LIMK2: variants seen among roughly 807,000 people sequenced by gnomAD.
The protein encoded by LIMK2 is LIM domain kinase 2.
A neutral mutation model predicts 75.7 loss-of-function variants in LIMK2; 35 were observed. The ratio of observed to expected loss-of-function variants is 0.46; its 90% confidence interval spans 0.35 to 0.61. The LOEUF (loss-of-function observed/expected upper bound fraction) is 0.61, where lower values mean the gene tolerates loss of function less well. LIMK2 is among the 20% of genes least tolerant of loss of function. LIMK2 has a pLI of 0.00. For missense variants in LIMK2, 623 were observed against 831.0 expected (o/e 0.75, Z 3.08); for synonymous variants, 301 against 319.2 (o/e 0.94, Z 0.61).
intron 2 of LIMK2, among the ~76,000 whole-genome samples, chr22:31,228,126 G>C (rs2048495567): frequency 6.6e-6 from 1 of 152,194 alleles, no homozygotes; most frequent in East Asian, 1.9e-4. Context: ...GTAGATAAGA[G>C]TACAGGCAGG....
chr22:31,237,675 A>C (rs1242093826), intron 2 of LIMK2, among the ~76,000 whole-genome samples: 1 of 152,176 alleles, frequency 6.6e-6, no homozygotes, highest in African/African-American at 2.4e-5. Context: ...TTCACAGAGC[A>C]CTCATGAATG....
chr22:31,229,475 G>A (rs537638304), intron 2 of LIMK2, among the ~76,000 whole-genome samples: 7 of 152,168 alleles, frequency 4.6e-5, no homozygotes, highest in African/African-American at 1.7e-4. Flanking sequence ...TCTCTCCCAC[G>A]CCAGCTTGCC....
At chr22:31,265,573 A>G (rs2048886178) in intron 7 of LIMK2, among the ~76,000 whole-genome samples, 1 of 152,008 alleles carries the variant, frequency 6.6e-6, no homozygotes, top group South Asian at 2.1e-4. Flanking sequence ...TTTTTTGGAT[A>G]CTAGTATAAC....
In LIMK2 at chr22:31,215,850, T is replaced by A. The variant is rs538563863; in HGVS notation, c.16+3426T>A. ...TTGATAAGACAAGCTGTTATAAGGCTTGCGTATGATAACATTATAGAATTT... is the reference window on the plus strand; with the variant it reads ...TTGATAAGACAAGCTGTTATAAGGCATGCGTATGATAACATTATAGAATTT... On this transcript the variant is annotated intron_variant, in intron 1 of 15. Transcript: ENST00000331728. Among the ~76,000 whole-genome samples the A allele has an allele frequency of 3.9e-5, 6 of 152,300 alleles. No individual in the cohort carries two copies. In the South Asian group the frequency reaches 1.2e-3, roughly 32 times the overall value.
chr22:31,245,874 A>T (rs1403303074), intron 2 of LIMK2, among the ~76,000 whole-genome samples: 4 of 151,082 alleles, frequency 2.6e-5, no homozygotes, highest in East Asian at 1.9e-4. Context: ...TACAAAAAAT[A>T]AAAAAAAATA....
Position 31,273,577 on chromosome 22 carries a change from G to C in LIMK2, c.1614+70G>C. On this transcript the variant is annotated intron_variant, in intron 14 of 15. Transcript: ENST00000331728. ...AGCTCTGCCTTCCCTCGGAACTGGGGCATCTCCTCCTAGGGATGACTAGCT... is the reference window on the plus strand; with the variant it reads ...AGCTCTGCCTTCCCTCGGAACTGGGCCATCTCCTCCTAGGGATGACTAGCT... 9 of 1,249,110 alleles carry C rather than the reference G, an allele frequency of 7.2e-6. 1 individual carries two copies. In the Middle Eastern group the frequency reaches 1.7e-3, roughly 233 times the overall value. 77.4% of individuals were successfully genotyped at this position (1,249,110 alleles called of 1,614,324 possible). A position where few individuals can be genotyped will look rare whatever the true frequency, so the allele number is the denominator to read the frequency against.
intron 15 of LIMK2, chr22:31,277,034 TCAAGGAGCTGC>T: frequency 6.2e-7 from 1 of 1,613,816 alleles, no homozygotes; most frequent in South Asian, 1.1e-5. Flanking sequence ...GCTTCCAGGG[TCAAGGAGCTGC>T]TGGTTGACTG....
At chr22:31,234,719 C>CA (rs35909225) in intron 2 of LIMK2, among the ~76,000 whole-genome samples, 9,610 of 67,692 alleles carry the variant, frequency 0.14, 618 homozygotes, top group East Asian at 0.44. Context: ...GACTCCATCT[C>CA]AAAAAAAAAA....
chr22:31,217,683 A>G lies in LIMK2; in HGVS notation c.16+5259A>G, dbSNP rs1601395403. ...TTGGTTAACCAGTTCTCTGATAAAG[A>G]TATTTTTATAGGCCCTCCATAGATA... On this transcript the variant is annotated intron_variant, in intron 1 of 15. Coordinates refer to ENST00000331728, the MANE Select transcript of LIMK2 (RefSeq NM_005569.4). 1.3e-5 allele frequency among the ~76,000 whole-genome samples: 2 copies of G among 152,322 alleles called. 1 individual carries two copies.
chr22:31,246,377 A>G (rs527696606), intron 2 of LIMK2, among the ~76,000 whole-genome samples: 3 of 152,150 alleles, frequency 2.0e-5, no homozygotes, highest in East Asian at 3.9e-4. Context: ...AGAAAAAAAA[A>G]AAAAAGAAAA....
chr22:31,241,506 C>CT (rs1485788930), intron 2 of LIMK2, among the ~76,000 whole-genome samples: 1 of 152,196 alleles, frequency 6.6e-6, no homozygotes, highest in Non-Finnish European at 1.5e-5. Context: ...CCTGCAGGTG[C>CT]TGTCTTCTCC....
intron 14 of LIMK2, 115 bp from the exon 15 acceptor site, chr22:31,275,036 T>TG (rs1277507733): frequency 9.9e-7 from 1 of 1,009,830 alleles, no homozygotes; most frequent in African/African-American, 1.6e-5. Flanking sequence ...CTCTAACCTA[T>TG]TTTACCACCT....
chr22:31,246,532 C>T (rs1202708529), intron 2 of LIMK2, among the ~76,000 whole-genome samples: 1 of 152,108 alleles, frequency 6.6e-6, no homozygotes, highest in Non-Finnish European at 1.5e-5. Context: ...TATTTGCTCT[C>T]TGGCCCTTTA....
Position 31,262,102 on chromosome 22 carries a change from C to T in LIMK2, c.552-32C>T, listed in dbSNP as rs1429322830. 1 of 1,576,050 alleles carries T rather than the reference C, an allele frequency of 6.3e-7. No homozygotes were observed. The highest frequency in any genetic ancestry group is 1.7e-5 in the Admixed American group (1 of 59,974). ...TTGGTCAAGCAGGTTTTTAGGACATCTTTACCCTGCCTCAACTCTTGTCTG... is the reference window on the plus strand; with the variant it reads ...TTGGTCAAGCAGGTTTTTAGGACATTTTTACCCTGCCTCAACTCTTGTCTG... On this transcript the variant is annotated intron_variant, in intron 5 of 15. Transcript: ENST00000331728. This position sits in a 1 kb window ranked among gnomAD's most constrained non-coding sequence, Gnocchi z 5.0.
intron 5 of LIMK2, 137 bp downstream of exon 5, chr22:31,260,214 G>C: frequency 1.4e-6 from 1 of 689,916 alleles, no homozygotes; most frequent in South Asian, 2.5e-5. Flanking sequence ...ACCCCACTAT[G>C]CTGTAACCGT....
At chr22:31,212,468 G>A (rs2048355063) in intron 1 of LIMK2, 44 bp downstream of exon 1, 4 of 1,315,376 alleles carry the variant, frequency 3.0e-6, no homozygotes, top group Non-Finnish European at 3.9e-6. Flanking sequence ...TATCTCCGAA[G>A]TCCGGTTCCA....
chr22:31,265,901 C>G, intron 7 of LIMK2, 45 bp from the exon 8 acceptor site: 1 of 1,567,656 alleles, frequency 6.4e-7, no homozygotes, highest in Non-Finnish European at 8.8e-7. Flanking sequence ...CTTGGCCGGT[C>G]TCTGAGGACT....
intron 2 of LIMK2, among the ~76,000 whole-genome samples, chr22:31,244,171 G>A (rs886377822): frequency 2.0e-5 from 3 of 152,174 alleles, no homozygotes; most frequent in Non-Finnish European, 2.9e-5. Flanking sequence ...CCTAGACACC[G>A]ACTCACTGAG....
intron 2 of LIMK2, chr22:31,229,955 G>C (rs1397120838): frequency 6.6e-6 from 1 of 152,072 alleles, no homozygotes; most frequent in East Asian, 1.9e-4. Context: ...AGAATCTTTT[G>C]GATCTCCTGG....
Sources: gnomAD v4.1 joint callset for allele counts (sites outside exome capture counted in the v4.1 genomes callset) on GRCh38, gnomAD v4.1.1 for gene constraint, Gnocchi (gnomAD v3.1) non-coding constraint, MANE v1.5 for transcripts, NCBI Gene and HGNC (gene_info 2026-07-23, HGNC 2026-07-21) for gene names.